The following MYO18A variants were observed in gnomAD, a reference collection of about 807,000 sequenced individuals.
The protein encoded by MYO18A is myosin XVIIIA.
Under a neutral mutation model 235.8 loss-of-function variants are expected in MYO18A, and 78 were observed. The ratio of observed to expected loss-of-function variants is 0.33; its 90% CI spans 0.28 to 0.40. MYO18A has a LOEUF of 0.40. Among genes scored for constraint, MYO18A ranks in the 10% least tolerant of loss-of-function variants. MYO18A has a pLI of 1.00. For synonymous variants in MYO18A, 977 were observed against 1,077.8 expected (o/e 0.91, Z 1.83); for missense variants, 2,215 against 2,699.3 (o/e 0.82, Z 3.98).
At chr17:29,123,061 T>G (rs1364282176) in intron 2 of MYO18A, among the ~76,000 whole-genome samples, 1 of 151,398 alleles carries the variant, frequency 6.6e-6, no homozygotes, top group South Asian at 2.1e-4. Context: ...GGCACAGGAG[T>G]GGTGTAAAGG....
Position 29,092,947 on chromosome 17 carries a change from T to C in MYO18A, c.4981A>G (p.Thr1661Ala), listed in dbSNP as rs566647379. ...EKRLRKDLKR[T>A]KALLADAQLM... The stretch of plus-strand genomic sequence containing the variant: ...TGGGCATCTGCCAGCAGGGCCTTGG[T>C]GCGCTTCAGGTCCTTCCGCAGCCGC... The change falls in exon 33 of 42, where the codon ACC becomes GCC. Residue 1661 changes from threonine (T) to alanine (A), a missense_variant. Transcript: ENST00000527372. 4.7e-5 allele frequency: 76 copies of C among 1,613,830 alleles called. 1 individual carries two copies. The South Asian group carries it at 6.7e-4, about 14-fold the overall frequency.
At position 29,090,590 on chromosome 17, in the gene MYO18A, T is replaced by C; in HGVS notation, c.5330A>G (p.Asn1777Ser). Residue 1777 changes from asparagine to serine, a missense_variant, in exon 36 of 42, where the codon AAT becomes AGT. By Grantham distance (46) the Asn-to-Ser change is conservative. Transcript: ENST00000527372. ...TTCTTCTAGCTGAGCTTGGAGATCA[T>C]TTATCTGAGCCAGGTCCCGGGAAGC... ...AQASRDLAQI[N>S]DLQAQLEEAN... The C allele has an allele frequency of 1.2e-6, 2 of 1,601,100 alleles. No individual in the cohort carries two copies. Among genetic ancestry groups the C allele is most frequent in the Non-Finnish European group, 1.7e-6 (2 of 1,173,318 alleles).
intron 2 of MYO18A, among the ~76,000 whole-genome samples, chr17:29,131,925 T>G (rs1377747884): frequency 6.6e-6 from 1 of 152,148 alleles, no homozygotes; most frequent in East Asian, 1.9e-4. Flanking sequence ...AGAGTGAAGG[T>G]TGGCCCCTAC....
chr17:29,113,922 C>T (rs2066993264), intron 15 of MYO18A, 89 bp downstream of exon 15: 1 of 1,061,312 alleles, frequency 9.4e-7, no homozygotes, highest in South Asian at 1.4e-5. Context: ...GCACCCCCAG[C>T]AGCAGCTCAG....
At chr17:29,132,390 G>A (rs2067493553) in intron 2 of MYO18A, among the ~76,000 whole-genome samples, 1 of 152,184 alleles carries the variant, frequency 6.6e-6, no homozygotes, top group Non-Finnish European at 1.5e-5. Context: ...CAAAAGCTCA[G>A]GCAGTCCTAT....
intron 2 of MYO18A, among the ~76,000 whole-genome samples, chr17:29,138,646 T>A (rs75017254): frequency 0.016 from 2,372 of 152,272 alleles, 74 homozygotes; most frequent in African/African-American, 0.054. Flanking sequence ...CCTCACAACA[T>A]CCCTCTGAAA....
At position 29,109,912 on chromosome 17, in the gene MYO18A, G is replaced by A. The variant is rs775198033; in HGVS notation, c.3277C>T (p.Arg1093Cys). Reference protein sequence around the residue: ...GLLQLDVPLLRTQLRGSRLLD... With the variant: ...GLLQLDVPLLCTQLRGSRLLD... The stretch of plus-strand genomic sequence containing the variant: ...AGGCGGGAGCCGCGGAGCTGGGTGC[G>A]GAGCAGGGGCACGTCGAGCTGCAGG... Residue 1093 changes from arginine to cysteine, a missense_variant, in exon 19 of 42, where the codon CGC becomes TGC. Physicochemically the swap from Arg to Cys is radical, Grantham distance 180. Transcript: ENST00000527372. This position sits in a 1 kb window ranked among gnomAD's most constrained non-coding sequence, Gnocchi z 4.1. The A allele has an allele frequency of 8.8e-6, 14 of 1,587,878 alleles. No individual in the cohort carries two copies. The highest frequency in any genetic ancestry group is 4.6e-5 in the South Asian group (4 of 87,406).
chr17:29,155,187 A>G (rs1369542325), intron 2 of MYO18A: 1 of 152,252 alleles, frequency 6.6e-6, no homozygotes, highest in African/African-American at 2.4e-5. Context: ...ACAGGGTGCT[A>G]TCTTCAGCCT....
chr17:29,094,529 T>G (rs1598291137), intron 30 of MYO18A, 121 bp downstream of exon 30: 1 of 976,752 alleles, frequency 1.0e-6, no homozygotes, highest in Non-Finnish European at 1.6e-6. Flanking sequence ...TGTGAGTAGG[T>G]GAGTGAGTGA....
At chr17:29,104,709 CAG>C (rs1347132732) in intron 20 of MYO18A, among the ~76,000 whole-genome samples, 1 of 152,050 alleles carries the variant, frequency 6.6e-6, no homozygotes, top group African/African-American at 2.4e-5. Flanking sequence ...TGGCCAAGGA[CAG>C]AGTCCTGAGG....
At chr17:29,099,611 G>C (rs762707289) in intron 22 of MYO18A, 23 bp downstream of exon 22, 1 of 1,608,098 alleles carries the variant, frequency 6.2e-7, no homozygotes, top group East Asian at 2.2e-5. Context: ...TGGGGAGGGG[G>C]AGGGATGTCT....
At chr17:29,133,637 C>T in intron 2 of MYO18A, 1 of 441,218 alleles carries the variant, frequency 2.3e-6, no homozygotes, top group Admixed American at 2.8e-5. Context: ...ATAGGGAGTT[C>T]ACCAGCCCCC....
In MYO18A at chr17:29,094,706, T is replaced by C. The variant is rs2066479656; in HGVS notation, c.4654A>G (p.Lys1552Glu). The C allele has an allele frequency of 2.5e-6, 4 of 1,614,038 alleles. No homozygotes were observed. The highest frequency in any genetic ancestry group is 1.3e-5 in the African/African-American group (1 of 75,050). Residue 1552 changes from lysine to glutamate, a missense_variant, in exon 30 of 42, where the codon AAG becomes GAG. Physicochemically the swap from Lys to Glu is moderately conservative, Grantham distance 56 (BLOSUM62 1). Coordinates refer to ENST00000527372, the MANE Select transcript of MYO18A (RefSeq NM_078471.4). Reference sequence around the variant, plus strand: ...TCATCCAGCTCTTCTTCCTGATCCTTGACTTTGGCCTCCAGGTCCCGGAGC... The same window carrying C: ...TCATCCAGCTCTTCTTCCTGATCCTCGACTTTGGCCTCCAGGTCCCGGAGC... Reference protein sequence around the residue: ...KQLRDLEAKVKDQEEELDEQA... With the variant: ...KQLRDLEAKVEDQEEELDEQA...
Position 29,085,589 on chromosome 17 carries a change from C to T in MYO18A, c.5897+15G>A, listed in dbSNP as rs374357027. Reference sequence around the variant, plus strand: ...CGCGAGGACAGGCAGAGAGCACATGCGCTCCAGTCCTCACAGTTTATTCTT... The same window carrying T: ...CGCGAGGACAGGCAGAGAGCACATGTGCTCCAGTCCTCACAGTTTATTCTT... On this transcript the variant is annotated intron_variant, in intron 40 of 41. Transcript: ENST00000527372. 755 of 1,613,176 alleles carry T rather than the reference C, an allele frequency of 4.7e-4. 12 individuals are homozygous for T. The South Asian group carries it at 6.8e-3, about 15-fold the overall frequency.
intron 2 of MYO18A, chr17:29,129,117 T>A (rs1451509218): frequency 7.8e-7 from 1 of 1,289,170 alleles, no homozygotes; most frequent in Non-Finnish European, 1.0e-6. Context: ...AGCCTACCCA[T>A]CCTGAAGGAA....
In MYO18A at chr17:29,092,460, G is replaced by A. The variant is rs1348725137; in HGVS notation, c.5074-4C>T. The A allele has an allele frequency of 6.2e-7, 1 of 1,608,350 alleles. No individual in the cohort carries two copies. The highest frequency in any genetic ancestry group is 8.5e-7 in the Non-Finnish European group (1 of 1,178,102). On this transcript the variant is annotated splice_region_variant and splice_polypyrimidine_tract_variant and intron_variant, in intron 33 of 41. Coordinates refer to ENST00000527372, the MANE Select transcript of MYO18A (RefSeq NM_078471.4). ...AGGTGAACTCTGACTCCTCCAGCTG[G>A]ACACAGACCACCCCCGCCCCAGGGA...
rs1351013962 is a variant in MYO18A, at chr17:29,074,985, T to C, written c.6021-71A>G. 6.3e-7 allele frequency: 1 copy of C among 1,579,448 alleles called. No homozygotes were observed. Among genetic ancestry groups the C allele is most frequent in the African/African-American group, 1.3e-5 (1 of 74,412 alleles). ...CATTAAGCACGCACGCCTTTGGTTC[T>C]GGAGGCCCACAAAGCTGCGTCAGAG... On this transcript the variant is annotated intron_variant, in intron 41 of 41. Transcript: ENST00000527372. This position sits in a 1 kb window ranked among gnomAD's most constrained non-coding sequence, Gnocchi z 4.4.
At chr17:29,107,323 T>C in intron 19 of MYO18A, 134 bp from the exon 20 acceptor site, 1 of 786,876 alleles carries the variant, frequency 1.3e-6, no homozygotes. Flanking sequence ...AGCCTGTGGT[T>C]GAAGGCAGGC....
intron 41 of MYO18A, chr17:29,081,069 G>T: frequency 1.1e-6 from 1 of 872,400 alleles, no homozygotes; most frequent in Non-Finnish European, 1.4e-6. Context: ...GAGAGAGGGA[G>T]GTTGAGAGAG....
Sources: allele counts gnomAD v4.1 joint callset (sites outside exome capture counted in the v4.1 genomes callset), GRCh38; gene constraint gnomAD v4.1.1; non-coding constraint Gnocchi (gnomAD v3.1); transcripts MANE v1.5; gene names NCBI Gene and HGNC (gene_info 2026-07-23, HGNC 2026-07-21).